The following ACSM3 variants were observed in gnomAD, a reference collection of about 807,000 sequenced individuals.
ACSM3 encodes the protein acyl-coenzyme A synthetase ACSM3, mitochondrial.
In ACSM3, 61 loss-of-function variants were observed where a neutral mutation model predicts 74.1. The observed-to-expected ratio is 0.82, with a 90% CI of 0.67 to 1.02. The LOEUF is 1.02. ACSM3 is among the 50% of genes least tolerant of loss of function. The pLI is 0.00. For missense variants in ACSM3, 660 were observed against 697.0 expected (o/e 0.95, Z 0.60); for synonymous variants, 213 against 241.5 (o/e 0.88, Z 1.09).
At chr16:20,682,444 C>A in intron 1 of ACSM3, 2 of 1,613,364 alleles carry the variant, frequency 1.2e-6, no homozygotes, top group South Asian at 2.2e-5. Context: ...ACAGGATGGT[C>A]GCAGGAATGA....
intron 1 of ACSM3, chr16:20,728,269 T>C: frequency 2.1e-6 from 1 of 470,334 alleles, no homozygotes; most frequent in Non-Finnish European, 3.9e-6. Context: ...TCTGACCGGT[T>C]CAATAAAGCA....
intron 1 of ACSM3, chr16:20,736,928 T>C (rs1180234181): frequency 6.2e-7 from 1 of 1,614,152 alleles, no homozygotes; most frequent in Admixed American, 1.7e-5. Context: ...TGGCTTGACT[T>C]GCAAGTTCAG....
At chr16:20,682,219 G>A (rs1481901273) in intron 1 of ACSM3, 2 of 1,594,590 alleles carry the variant, frequency 1.3e-6, no homozygotes, top group East Asian at 2.2e-5. Flanking sequence ...CACAACAACT[G>A]TACTCAGAGA....
At chr16:20,718,429 G>C in intron 1 of ACSM3, 1 of 705,462 alleles carries the variant, frequency 1.4e-6, no homozygotes, top group Non-Finnish European at 2.0e-6. Flanking sequence ...TGGGACGACA[G>C]GCTCTCCTAA....
At chr16:20,717,968 A>G (rs145230820) in intron 1 of ACSM3, among the ~76,000 whole-genome samples, 205 of 85,948 alleles carry the variant, frequency 2.4e-3, no homozygotes, top group South Asian at 9.2e-3. Context: ...AAGAAGAAGA[A>G]GAAGAAGAAG....
At chr16:20,677,152 G>A (rs2020336115) in intron 1 of ACSM3, among the ~76,000 whole-genome samples, 1 of 151,626 alleles carries the variant, frequency 6.6e-6, no homozygotes, top group South Asian at 2.1e-4. Flanking sequence ...CTAGCTTATG[G>A]CTAAGCCACA....
At chr16:20,708,433 C>A (rs1366151732) in intron 1 of ACSM3, among the ~76,000 whole-genome samples, 1 of 152,124 alleles carries the variant, frequency 6.6e-6, no homozygotes, top group African/African-American at 2.4e-5. Flanking sequence ...AATTCAGTAA[C>A]CTTGCAGGAC....
intron 1 of ACSM3, chr16:20,736,851 G>C (rs1481532993): frequency 4.4e-6 from 7 of 1,604,032 alleles, no homozygotes; most frequent in Non-Finnish European, 6.0e-6. Context: ...CCCCAGGTGA[G>C]AAACCCACCT....
At chr16:20,747,306 AGTTCCTGTTTTT>A (rs1390087197) in intron 1 of ACSM3, among the ~76,000 whole-genome samples, 3 of 152,172 alleles carry the variant, frequency 2.0e-5, no homozygotes, top group African/African-American at 7.2e-5. Flanking sequence ...AAGTTTTATA[AGTTCCTGTTTTT>A]CCCTTCTGTA....
rs768212619 is a variant in ACSM3, at chr16:20,771,127, TCTC to T, written c.219+875_219+877del. ...TTCAGGCTGGAGTGCGGTGGTGTGA[TCTC>T]AGCCCACTGCAACCTCCGCCTCATG... is the stretch of plus-strand genomic sequence containing the variant. On this transcript the variant is annotated intron_variant, in intron 2 of 13. Transcript: ENST00000289416. Among the ~76,000 whole-genome samples, 5 of 152,178 alleles carry T rather than the reference TCTC, an allele frequency of 3.3e-5. No individual in the cohort carries two copies. The East Asian group carries it at 9.6e-4, about 29-fold the overall frequency.
chr16:20,719,986 A>G (rs2079779751), intron 1 of ACSM3, among the ~76,000 whole-genome samples: 1 of 152,242 alleles, frequency 6.6e-6, no homozygotes, highest in Non-Finnish European at 1.5e-5. Flanking sequence ...TGACAAATCA[A>G]TTAAGTTTAA....
intron 2 of ACSM3, 74 bp from the exon 3 acceptor site, chr16:20,775,765 T>C: frequency 1.4e-6 from 2 of 1,448,468 alleles, no homozygotes; most frequent in Non-Finnish European, 1.9e-6. Flanking sequence ...GCTAATCTAT[T>C]CCATTGAGTC....
intron 1 of ACSM3, chr16:20,736,881 T>G: frequency 6.2e-7 from 1 of 1,613,544 alleles, no homozygotes; most frequent in South Asian, 1.1e-5. Context: ...AATGACTTCC[T>G]ATGAGAAGTC....
intron 1 of ACSM3, chr16:20,728,568 A>G (rs2079815006): frequency 2.0e-6 from 1 of 493,220 alleles, no homozygotes; most frequent in Non-Finnish European, 3.6e-6. Flanking sequence ...CTTGCTATGT[A>G]ACCTCAGGCA....
At position 20,767,992 on chromosome 16, in the gene ACSM3, A is replaced by G. The variant is rs375978280; in HGVS notation, c.-51-1992A>G. Among the ~76,000 whole-genome samples, 138 of 152,348 alleles carry G rather than the reference A, an allele frequency of 9.1e-4. 4 individuals carry two copies. In the South Asian group the frequency reaches 0.028, roughly 31 times the overall value. On this transcript the variant is annotated intron_variant, in intron 1 of 13. Transcript: ENST00000289416. ...GCCAAAATTTATTTATGTATTGTCA[A>G]TGGCTGCTCTCTCAATGGCAGAGTT... is the stretch of plus-strand genomic sequence containing the variant.
intron 1 of ACSM3, chr16:20,733,946 C>G (rs1383236313): frequency 1.3e-5 from 2 of 151,866 alleles, no homozygotes; most frequent in Non-Finnish European, 2.9e-5. Flanking sequence ...CACTTCCTAC[C>G]CTGGAATCCC....
chr16:20,690,566 A>T (rs1596477075), intron 1 of ACSM3, among the ~76,000 whole-genome samples: 1 of 152,312 alleles, frequency 6.6e-6, no homozygotes, highest in Non-Finnish European at 1.5e-5. Flanking sequence ...GTGCACATTC[A>T]GGTGGTCTAT....
At chr16:20,684,830 T>C (rs2079516722) in intron 1 of ACSM3, among the ~76,000 whole-genome samples, 1 of 152,148 alleles carries the variant, frequency 6.6e-6, no homozygotes, top group African/African-American at 2.4e-5. Flanking sequence ...TCTGAGGCTG[T>C]GCAAGAGAAA....
intron 1 of ACSM3, among the ~76,000 whole-genome samples, chr16:20,686,085 G>A (rs961609304): frequency 1.3e-5 from 2 of 151,958 alleles, no homozygotes; most frequent in Non-Finnish European, 2.9e-5. Context: ...AAGTAGCAAA[G>A]TTTAAATAAG....
Sources: allele counts gnomAD v4.1 joint callset (sites outside exome capture counted in the v4.1 genomes callset), GRCh38; gene constraint gnomAD v4.1.1; transcripts MANE v1.5; gene names NCBI Gene and HGNC (gene_info 2026-07-23, HGNC 2026-07-21).